The following ACP5 variants were observed in gnomAD, a reference collection of about 807,000 sequenced individuals.
The protein encoded by ACP5 is acid phosphatase 5, tartrate resistant.
In ACP5, 24 loss-of-function variants were observed where a neutral mutation model predicts 28.7. That is an observed-to-expected ratio of 0.84 (90% CI 0.61 to 1.18). ACP5 has a LOEUF of 1.18. Among genes scored for constraint, ACP5 ranks in the 50% most tolerant of loss-of-function variants. ACP5 has a pLI of 0.00. For synonymous variants in ACP5, 154 were observed against 181.4 expected, an observed-to-expected ratio of 0.85 and a Z score of 1.21; for missense variants, 354 against 422.2, an observed-to-expected ratio of 0.84 and a Z score of 1.42.
At chr19:11,576,913 G>A in intron 2 of ACP5, 70 bp from the exon 3 acceptor site, 1 of 1,612,646 alleles carries the variant, frequency 6.2e-7, no homozygotes, top group Non-Finnish European at 8.5e-7. Flanking sequence ...CACCAAGTCA[G>A]GATAAGGGAG....
chr19:11,574,768 A>T lies in ACP5; in HGVS notation c.*242T>A. 1 of 494,154 alleles carries T rather than the reference A, an allele frequency of 2.0e-6. No individual in the cohort carries two copies. Among genetic ancestry groups the T allele is most frequent in the Non-Finnish European group, 3.7e-6 (1 of 269,902 alleles). The allele number at this position is 494,154 out of a possible 1,614,324, so 30.6% of individuals were successfully genotyped here. ...CCCCATTGCACCCCGGAACTCAGCA[A>T]AGGTGAGCCAGCCACAGAGCATAAC... On this transcript the variant is annotated 3_prime_UTR_variant, in exon 5 of 5. Coordinates refer to ENST00000648477, the MANE Select transcript of ACP5 (RefSeq NM_001611.5).
In ACP5 at chr19:11,574,869, A is replaced by G; in HGVS notation, c.*141T>C. On this transcript the variant is annotated 3_prime_UTR_variant, in exon 5 of 5. Coordinates refer to ENST00000648477, the MANE Select transcript of ACP5 (RefSeq NM_001611.5). ...TGCCACAAGGGTCATGTGGCACCAC[A>G]GTTCATCAGCTGTGTTTCCCCTTCC... is the stretch of plus-strand genomic sequence containing the variant. The G allele has an allele frequency of 1.1e-6, 1 of 896,896 alleles. No individual in the cohort carries two copies. Among genetic ancestry groups the G allele is most frequent in the South Asian group, 1.4e-5 (1 of 69,622 alleles). 55.6% of individuals were successfully genotyped at this position (896,896 alleles called of 1,614,324 possible). A position where few individuals can be genotyped will look rare whatever the true frequency, so the allele number is the denominator to read the frequency against.
Position 11,577,313 on chromosome 19 carries a change from T to G in ACP5, c.5A>C (p.Asp2Ala), listed in dbSNP as rs1973207902. 6.2e-7 allele frequency: 1 copy of G among 1,613,640 alleles called. No individual in the cohort carries two copies. Among genetic ancestry groups the G allele is most frequent in the Admixed American group, 1.7e-5 (1 of 59,952 alleles). Reference protein sequence around the residue: MDMWTALLILQA... With the variant: MAMWTALLILQA... ...CAGGATGAGCAGCGCCGTCCACATGTCCATCTGGGAGAAGAGAGACAAGCA... is the reference window on the plus strand; with the variant it reads ...CAGGATGAGCAGCGCCGTCCACATGGCCATCTGGGAGAAGAGAGACAAGCA... The change falls in exon 2 of 5, where the codon GAC becomes GCC. Residue 2 changes from aspartate (D) to alanine (A), a missense_variant. Coordinates refer to ENST00000648477, the MANE Select transcript of ACP5 (RefSeq NM_001611.5). This position sits in a 1 kb window ranked among gnomAD's most constrained non-coding sequence, Gnocchi z 5.7.
intron 3 of ACP5, 40 bp from the exon 4 acceptor site, chr19:11,576,628 G>T (rs200679613): frequency 1.9e-6 from 3 of 1,613,344 alleles, no homozygotes; most frequent in East Asian, 2.2e-5. Context: ...CATCTTGGGC[G>T]CAGAAGTCCC....
At chr19:11,577,808 G>C (rs1162004769), upstream of ACP5, 1 of 247,696 alleles carries the variant, frequency 4.0e-6, no homozygotes, top group African/African-American at 2.2e-5. The surrounding 1 kb of genome is among the most constrained non-coding windows in gnomAD (Gnocchi z 5.7). Flanking sequence ...GTGGGGGTGG[G>C]AGGATCTGGG....
Position 11,576,846 on chromosome 19 carries a change from G to A in ACP5, c.262-3C>T, listed in dbSNP as rs762935882. On this transcript the variant is annotated splice_polypyrimidine_tract_variant and splice_region_variant and intron_variant, in intron 2 of 4. Coordinates refer to ENST00000648477, the MANE Select transcript of ACP5 (RefSeq NM_001611.5). Reference sequence around the variant, plus strand: ...GAGAATACGTCCTCAAAGGTCTCCTGTAGCAAACAGATAGGGCAGGCCTCT... The same window carrying A: ...GAGAATACGTCCTCAAAGGTCTCCTATAGCAAACAGATAGGGCAGGCCTCT... 2.5e-6 allele frequency: 4 copies of A among 1,613,992 alleles called. No homozygotes were observed. The highest frequency in any genetic ancestry group is 2.7e-5 in the African/African-American group (2 of 74,902).
chr19:11,574,915 G>A lies in ACP5; in HGVS notation c.*95C>T, dbSNP rs912926597. 1 of 1,450,014 alleles carries A rather than the reference G, an allele frequency of 6.9e-7. No homozygotes were observed. The highest frequency in any genetic ancestry group is 1.4e-5 in the African/African-American group (1 of 71,536). The allele number at this position is 1,450,014 out of a possible 1,614,324, so 89.8% of individuals were successfully genotyped here. A position where few individuals can be genotyped will look rare whatever the true frequency, so the allele number is the denominator to read the frequency against. The stretch of plus-strand genomic sequence containing the variant: ...CTTCCTGCCCTGCTGCAGCGCCACA[G>A]GTTGGAGGAAAAGCCTGCCTGTGAG... On this transcript the variant is annotated 3_prime_UTR_variant, in exon 5 of 5. Transcript: ENST00000648477.
At position 11,577,538 on chromosome 19, in the gene ACP5, G is replaced by C; in HGVS notation, c.-1+55C>G. 1.6e-6 allele frequency: 1 copy of C among 618,708 alleles called. No individual in the cohort carries two copies. The highest frequency in any genetic ancestry group is 2.9e-6 in the Non-Finnish European group (1 of 345,946). 38.3% of individuals were successfully genotyped at this position (618,708 alleles called of 1,614,324 possible). A position where few individuals can be genotyped will look rare whatever the true frequency, so the allele number is the denominator to read the frequency against. ...TCTGTGAGAGGGCGAGCTGTACCAA[G>C]ATGGCCCTGCAGGCCCATTTCACCC... On this transcript the variant is annotated intron_variant, in intron 1 of 4. Transcript: ENST00000648477. The surrounding 1 kb of genome is among the most constrained non-coding windows in gnomAD (Gnocchi z 5.7).
At chr19:11,577,896 C>T (rs141783325), upstream of ACP5, 42 of 204,246 alleles carry the variant, frequency 2.1e-4, no homozygotes, top group East Asian at 4.6e-3. This position sits in a 1 kb window ranked among gnomAD's most constrained non-coding sequence, Gnocchi z 5.7. Context: ...AGGCTTGACA[C>T]GTCCAGGTAT....
At position 11,574,917 on chromosome 19, in the gene ACP5, TTGGAGGAAAAGCCTGCC is replaced by T; in HGVS notation, c.*76_*92del. 1 of 1,464,766 alleles carries T rather than the reference TTGGAGGAAAAGCCTGCC, an allele frequency of 6.8e-7. No individual in the cohort carries two copies. Among genetic ancestry groups the T allele is most frequent in the Non-Finnish European group, 9.5e-7 (1 of 1,050,588 alleles). The allele number at this position is 1,464,766 out of a possible 1,614,324, so 90.7% of individuals were successfully genotyped here. A position where few individuals can be genotyped will look rare whatever the true frequency, so the allele number is the denominator to read the frequency against. ...TCCTGCCCTGCTGCAGCGCCACAGG[TTGGAGGAAAAGCCTGCC>T]TGTGAGCAGGGTCCCGGCAGGGCCC... On this transcript the variant is annotated 3_prime_UTR_variant, in exon 5 of 5. Transcript: ENST00000648477.
Position 11,576,271 on chromosome 19 carries a change from T to C in ACP5, c.707A>G (p.Tyr236Cys). 6.2e-7 allele frequency: 1 copy of C among 1,608,300 alleles called. No homozygotes were observed. ...CAGATTGTGATCGTGGCCGCACAGG[T>C]AGGCAGTGACCCCGTATGTGGCCAG... ...PLLATYGVTA[Y>C]LCGHDHNLQY... is the part of the protein sequence containing the mutation. Residue 236 changes from tyrosine (Y) to cysteine (C), a missense_variant, in exon 4 of 5, where the codon TAC (tyrosine) becomes TGC (cysteine). By Grantham distance (194) the Tyr-to-Cys change is radical (BLOSUM62 -2). Coordinates refer to ENST00000648477, the MANE Select transcript of ACP5 (RefSeq NM_001611.5).
chr19:11,577,746 C>G (rs1973228207), upstream of ACP5: 1 of 290,302 alleles, frequency 3.4e-6, no homozygotes, highest in Non-Finnish European at 6.8e-6. The surrounding 1 kb of genome is among the most constrained non-coding windows in gnomAD (Gnocchi z 5.7). Flanking sequence ...GGGAGCCCTC[C>G]CCTTGGGTCA....
chr19:11,576,191 T>C, intron 4 of ACP5, 52 bp downstream of exon 4: 2 of 1,530,800 alleles, frequency 1.3e-6, no homozygotes, highest in Admixed American at 1.8e-5. Context: ...GGACATCAGC[T>C]GGGATGGGGA....
chr19:11,575,302 C>T (rs1973091133), intron 4 of ACP5, 50 bp from the exon 5 acceptor site: 1 of 1,610,662 alleles, frequency 6.2e-7, no homozygotes, highest in South Asian at 1.1e-5. Flanking sequence ...TGAGCAGAGC[C>T]CTGCCTAAGG....
rs377528244 is a variant in ACP5 at position 11,575,159 on chromosome 19, C to T, written c.829G>A (p.Gly277Ser). The change falls in exon 5 of 5, where the codon GGC (glycine) becomes AGC (serine). Residue 277 changes from glycine to serine, a missense_variant. By Grantham distance (56) the Gly-to-Ser change is moderately conservative. Transcript: ENST00000648477. ...SKRHQRKVPNGYLRFHYGTED... is the reference protein window; with the variant it reads ...SKRHQRKVPNSYLRFHYGTED... ...GTCCCATAGTGGAAGCGCAGATAGC[C>T]GTTGGGGACCTTGCGCTGGTGCCGC... The T allele has an allele frequency of 7.4e-5, 120 of 1,614,054 alleles. 1 individual carries two copies. The highest frequency in any genetic ancestry group is 1.0e-4 in the Admixed American group (6 of 59,990).
At chr19:11,575,587 G>T in intron 4 of ACP5, 1 of 358,082 alleles carries the variant, frequency 2.8e-6, no homozygotes, top group Non-Finnish European at 5.4e-6. Context: ...GCCAGGTGCA[G>T]TGGCTCATGC....
chr19:11,575,364 C>T (rs1973094506), intron 4 of ACP5, 112 bp from the exon 5 acceptor site: 1 of 1,314,422 alleles, frequency 7.6e-7, no homozygotes, highest in African/African-American at 1.5e-5. Flanking sequence ...GTATGTAACC[C>T]CTCCTGGCTT....
intron 4 of ACP5, among the ~76,000 whole-genome samples, chr19:11,575,927 C>T (rs1277617148): frequency 7.0e-6 from 1 of 143,330 alleles, no homozygotes; most frequent in East Asian, 2.1e-4. Flanking sequence ...TCACCTGAGC[C>T]CGGGAGATTG....
rs149133430 is a variant in ACP5, at chr19:11,575,023, C to T, written c.965G>A (p.Arg322Gln). Residue 322 changes from arginine to glutamine, a missense_variant, in exon 5 of 5, where the codon CGA (arginine) becomes CAA (glutamine). Arg to Gln is a conservative substitution (Grantham distance 43). Transcript: ENST00000648477. ...KSLFKTRLPRRARP is the reference protein window; with the variant it reads ...KSLFKTRLPRQARP ...AGTCATGGGAGTTCAGGGCCTGGCT[C>T]GCCTCGGCAGCCTGGTCTTAAAGAG... The T allele has an allele frequency of 6.2e-6, 10 of 1,614,120 alleles. No individual in the cohort carries two copies. The highest frequency in any genetic ancestry group is 1.7e-4 in the Middle Eastern group (1 of 6,058).
Sources: allele counts gnomAD v4.1 joint callset (sites outside exome capture counted in the v4.1 genomes callset), GRCh38; gene constraint gnomAD v4.1.1; non-coding constraint Gnocchi (gnomAD v3.1); transcripts MANE v1.5; gene names NCBI Gene and HGNC (gene_info 2026-07-23, HGNC 2026-07-21).